Variants in CLEC16A observed in about 807,000 individuals in gnomAD.
CLEC16A encodes the protein protein CLEC16A.
CLEC16A carries 51 observed loss-of-function variants against 109.5 expected under a neutral mutation model. The observed-to-expected ratio is 0.47, with a 90% CI of 0.37 to 0.59. The LOEUF is 0.59. CLEC16A is among the 20% of genes least tolerant of loss of function. The probability of loss-of-function intolerance (pLI) is 0.00; values close to 1 mark genes in which losing one functional copy is unlikely to be tolerated. For synonymous variants in CLEC16A, 673 were observed against 564.2 expected (o/e 1.19, Z -2.73); for missense variants, 1,339 against 1,394.0 (o/e 0.96, Z 0.63).
Position 10,973,110 on chromosome 16 carries a change from G to A in CLEC16A, c.728+49G>A, listed in dbSNP as rs77802730. On this transcript the variant is annotated intron_variant, in intron 7 of 23. Coordinates refer to ENST00000409790, the MANE Select transcript of CLEC16A (RefSeq NM_015226.3). ...TCAGTAGATAGACAGGGTGGTTAGGGGAGAATTCTGTTTTCATCAAGGAAA... is the reference window on the plus strand; with the variant it reads ...TCAGTAGATAGACAGGGTGGTTAGGAGAGAATTCTGTTTTCATCAAGGAAA... The A allele has an allele frequency of 1.4e-3, 2,232 of 1,541,684 alleles. 26 individuals are homozygous for A. In the African/African-American group the frequency reaches 0.028, roughly 19 times the overall value.
chr16:11,093,111 C>A (rs1459871563), intron 19 of CLEC16A, among the ~76,000 whole-genome samples: 1 of 152,248 alleles, frequency 6.6e-6, no homozygotes, highest in African/African-American at 2.4e-5. Context: ...CTGGCTCCTA[C>A]AGCCTTTGCA....
In CLEC16A at chr16:11,167,428, G is replaced by A. The variant is rs913284811; in HGVS notation, c.2806+876G>A. ...CTCACTCATCATATTTCAGGGGCAC[G>A]TGGCCCACCTCTCATTGAGTTCTGG... On this transcript the variant is annotated intron_variant, in intron 23 of 23. Coordinates refer to ENST00000409790, the MANE Select transcript of CLEC16A (RefSeq NM_015226.3). Among the ~76,000 whole-genome samples the A allele has an allele frequency of 3.9e-5, 6 of 152,258 alleles. No homozygotes were observed. In the East Asian group the frequency reaches 7.7e-4, roughly 20 times the overall value.
At position 11,080,408 on chromosome 16, in the gene CLEC16A, C is replaced by T. The variant is rs575005767; in HGVS notation, c.2116+19386C>T. 1.1e-3 allele frequency among the ~76,000 whole-genome samples: 171 copies of T among 152,300 alleles called. 1 individual carries two copies. Among genetic ancestry groups the T allele is most frequent in the African/African-American group, 3.9e-3 (163 of 41,558 alleles). On this transcript the variant is annotated intron_variant, in intron 19 of 23. Coordinates refer to ENST00000409790, the MANE Select transcript of CLEC16A (RefSeq NM_015226.3). ...CTTTGAGCCAAGGGTTGTTCTGAGC[C>T]AGTGTGAAGCAGCAGACAACCTGGG...
chr16:11,026,903 C>T (rs1275689984), intron 13 of CLEC16A: 23 of 829,470 alleles, frequency 2.8e-5, no homozygotes, highest in African/African-American at 6.8e-5. Context: ...GCTAAGTGAA[C>T]GCTGACTGGG....
chr16:11,064,068 A>G (rs2048635050), intron 19 of CLEC16A, among the ~76,000 whole-genome samples: 1 of 152,116 alleles, frequency 6.6e-6, no homozygotes, highest in South Asian at 2.1e-4. Flanking sequence ...ATCTCCATAT[A>G]CCCAGCCCTC....
chr16:11,008,103 G>A (rs189264409), intron 11 of CLEC16A, among the ~76,000 whole-genome samples: 1 of 152,198 alleles, frequency 6.6e-6, no homozygotes, highest in East Asian at 1.9e-4. Flanking sequence ...GGGGCTGTTT[G>A]CTTCTTGAAA....
chr16:11,105,293 T>G (rs2051150819), intron 19 of CLEC16A, among the ~76,000 whole-genome samples: 1 of 152,218 alleles, frequency 6.6e-6, no homozygotes, highest in Admixed American at 6.5e-5. Flanking sequence ...ACTCGGTTTC[T>G]GGTAATTGTG....
chr16:11,117,634 T>C (rs1244564360), intron 19 of CLEC16A, among the ~76,000 whole-genome samples: 2 of 152,326 alleles, frequency 1.3e-5, no homozygotes, highest in African/African-American at 2.4e-5. Context: ...AGAATAAAAA[T>C]GAAAGTTCTC....
chr16:10,996,529 T>C (rs541127305), intron 10 of CLEC16A, among the ~76,000 whole-genome samples: 11 of 152,356 alleles, frequency 7.2e-5, no homozygotes, highest in Admixed American at 6.5e-4. Context: ...AGCATGCTGC[T>C]GAAGTCCTGT....
intron 22 of CLEC16A, among the ~76,000 whole-genome samples, chr16:11,155,525 A>G (rs759553926): frequency 6.6e-5 from 10 of 152,252 alleles, no homozygotes; most frequent in Non-Finnish European, 1.5e-4. Flanking sequence ...GCAGACGTCA[A>G]CAGAGCCCTG....
intron 9 of CLEC16A, among the ~76,000 whole-genome samples, chr16:10,982,579 T>C (rs1281676236): frequency 6.6e-6 from 1 of 152,178 alleles, no homozygotes; most frequent in Non-Finnish European, 1.5e-5. Context: ...CTTTCCCGCA[T>C]TGCTCCACTT....
chr16:11,130,427 CG>C (rs767741209), intron 22 of CLEC16A, among the ~76,000 whole-genome samples: 34 of 152,322 alleles, frequency 2.2e-4, no homozygotes, highest in Non-Finnish European at 3.4e-4. Flanking sequence ...CAGCATCCCT[CG>C]GCTAAATTTC....
chr16:11,075,414 G>C lies in CLEC16A; in HGVS notation c.2116+14392G>C, dbSNP rs57562598. On this transcript the variant is annotated intron_variant, in intron 19 of 23. Coordinates refer to ENST00000409790, the MANE Select transcript of CLEC16A (RefSeq NM_015226.3). ...TGTGTGTGTGTGTGTGTGTGTGTCT[G>C]TGTGTGTGTGTGTATGTGTGTGTGT... 2.0e-3 allele frequency among the ~76,000 whole-genome samples: 245 copies of C among 120,416 alleles called. 2 individuals carry two copies. Among genetic ancestry groups the C allele is most frequent in the African/African-American group, 6.8e-3 (221 of 32,318 alleles). 79.0% of individuals were successfully genotyped at this position (120,416 alleles called of 152,430 possible).
intron 2 of CLEC16A, among the ~76,000 whole-genome samples, chr16:10,958,477 C>T (rs1223644868): frequency 6.6e-6 from 1 of 152,192 alleles, no homozygotes; most frequent in Non-Finnish European, 1.5e-5. Context: ...AGTCCTCAGC[C>T]AGGCTCTTCA....
At chr16:10,982,459 CCTT>C (rs940076555) in intron 9 of CLEC16A, among the ~76,000 whole-genome samples, 4 of 152,176 alleles carry the variant, frequency 2.6e-5, no homozygotes, top group Admixed American at 6.6e-5. Flanking sequence ...CTCTCCGGCC[CCTT>C]CTTCTTGTAT....
At chr16:11,065,561 T>C (rs1395505090) in intron 19 of CLEC16A, among the ~76,000 whole-genome samples, 3 of 152,202 alleles carry the variant, frequency 2.0e-5, no homozygotes, top group Non-Finnish European at 2.9e-5. Flanking sequence ...TTGAGGTGTT[T>C]CCAGTTGTGG....
intron 18 of CLEC16A, among the ~76,000 whole-genome samples, chr16:11,058,096 C>G (rs2048300228): frequency 6.6e-6 from 1 of 152,232 alleles, no homozygotes; most frequent in African/African-American, 2.4e-5. Context: ...CTACCAGGCC[C>G]TTATAACCCC....
chr16:11,171,878 ACACT>A (rs1567418291), intron 23 of CLEC16A, among the ~76,000 whole-genome samples: 2 of 151,774 alleles, frequency 1.3e-5, no homozygotes, highest in Non-Finnish European at 2.9e-5. Flanking sequence ...GGGCACATAC[ACACT>A]CACACATACA....
chr16:11,154,935 ATAAAT>A (rs1013103018), intron 22 of CLEC16A, among the ~76,000 whole-genome samples: 1 of 151,968 alleles, frequency 6.6e-6, no homozygotes, highest in African/African-American at 2.4e-5. Context: ...TCAAAAATAA[ATAAAT>A]AAATAAAACC....
Sources: gnomAD v4.1 joint callset for allele counts (sites outside exome capture counted in the v4.1 genomes callset) on GRCh38, gnomAD v4.1.1 for gene constraint, MANE v1.5 for transcripts, NCBI Gene and HGNC (gene_info 2026-07-23, HGNC 2026-07-21) for gene names.